RPS6KC1: variants seen among roughly 807,000 people sequenced by gnomAD.
RPS6KC1 encodes the protein ribosomal protein S6 kinase C1.
In RPS6KC1, 54 loss-of-function variants were observed where a neutral mutation model predicts 103.8. That is an observed-to-expected ratio of 0.52 (90% confidence interval 0.42 to 0.65). The LOEUF (loss-of-function observed/expected upper bound fraction) is 0.65, where lower values mean the gene tolerates loss of function less well. RPS6KC1 is among the 30% of genes least tolerant of loss of function. The pLI is 0.00. For synonymous variants in RPS6KC1, 439 were observed against 438.7 expected (o/e 1.00, Z -0.01); for missense variants, 1,151 against 1,253.8 (o/e 0.92, Z 1.24).
the RPS6KC1 span, among the ~76,000 whole-genome samples, chr1:213,761,187 T>A: frequency 1.3e-5 from 2 of 152,142 alleles, no homozygotes; most frequent in East Asian, 3.9e-4. Context: ...CCAGATGTAT[T>A]TTTGTTTGGG....
chr1:213,230,692 G>T lies in RPS6KC1; in HGVS notation c.1092+148G>T, dbSNP rs535703403. ...TCTACTAAAAATACAAAAATTAGCC[G>T]GGTATAATGGTGGGCTTCTATAATC... On this transcript the variant is annotated intron_variant, in intron 9 of 14. Coordinates refer to ENST00000366960, the MANE Select transcript of RPS6KC1 (RefSeq NM_012424.6). 9 of 450,606 alleles carry T rather than the reference G, an allele frequency of 2.0e-5. No individual in the cohort carries two copies. In the East Asian group the frequency reaches 3.4e-4, roughly 17 times the overall value. 27.9% of individuals were successfully genotyped at this position (450,606 alleles called of 1,614,324 possible).
chr1:213,342,797 A>G, the RPS6KC1 span, among the ~76,000 whole-genome samples: 1 of 152,204 alleles, frequency 6.6e-6, no homozygotes, highest in Non-Finnish European at 1.5e-5. Context: ...AGAAGAACTA[A>G]AAGATAGAGA....
intron 6 of RPS6KC1, among the ~76,000 whole-genome samples, chr1:213,153,757 A>G (rs548243526): frequency 2.0e-4 from 31 of 152,186 alleles, no homozygotes; most frequent in Non-Finnish European, 3.4e-4. Flanking sequence ...CTTGTAGGAC[A>G]GGTCTGATAT....
the RPS6KC1 span, among the ~76,000 whole-genome samples, chr1:213,848,061 G>A: frequency 6.6e-6 from 1 of 152,116 alleles, no homozygotes; most frequent in African/African-American, 2.4e-5. Flanking sequence ...AGTAGAAGAA[G>A]ATACAAAAGT....
the RPS6KC1 span, among the ~76,000 whole-genome samples, chr1:213,670,232 C>T: frequency 2.0e-5 from 3 of 152,190 alleles, no homozygotes; most frequent in Non-Finnish European, 4.4e-5. Flanking sequence ...CTGCCCTTAA[C>T]AGTGGATGCT....
chr1:213,242,478 G>A lies in RPS6KC1; in HGVS notation c.2822-91G>A, dbSNP rs866309365. ...TGATGCCATTATTCTTAATGATACT[G>A]TTTTTAGCTACAAAAGGAGTAATTA... On this transcript the variant is annotated intron_variant, in intron 11 of 14. Transcript: ENST00000366960. The A allele has an allele frequency of 2.6e-5, 31 of 1,175,610 alleles. No homozygotes were observed. In the African/African-American group the frequency reaches 4.0e-4, roughly 15 times the overall value. 72.8% of individuals were successfully genotyped at this position (1,175,610 alleles called of 1,614,324 possible).
intron 8 of RPS6KC1, among the ~76,000 whole-genome samples, chr1:213,177,769 T>C (rs2091970356): frequency 6.6e-6 from 1 of 152,210 alleles, no homozygotes; most frequent in African/African-American, 2.4e-5. Context: ...CAGGCAAGTA[T>C]ACCTTCTTGA....
chr1:213,104,441 T>C lies in RPS6KC1; in HGVS notation c.263-13T>C, dbSNP rs1057017545. 1 of 1,539,006 alleles carries C rather than the reference T, an allele frequency of 6.5e-7. No individual in the cohort carries two copies. ...CATTCTTCCCTTAAGTGTTGATTCT[T>C]ATTTAATTGTAGGGCGATTTGATGA... On this transcript the variant is annotated splice_polypyrimidine_tract_variant and intron_variant, in intron 3 of 14. Coordinates refer to ENST00000366960, the MANE Select transcript of RPS6KC1 (RefSeq NM_012424.6).
chr1:213,141,325 TTTCTTCCTGGTTC>T (rs1414509676), intron 6 of RPS6KC1, among the ~76,000 whole-genome samples: 1 of 152,112 alleles, frequency 6.6e-6, no homozygotes, highest in Non-Finnish European at 1.5e-5. Flanking sequence ...AGATACTCAG[TTTCTTCCTGGTTC>T]AGTCTTGGGA....
At chr1:213,775,209 T>C in the RPS6KC1 span, among the ~76,000 whole-genome samples, 1 of 152,336 alleles carries the variant, frequency 6.6e-6, no homozygotes, top group Admixed American at 6.5e-5. Flanking sequence ...TTATTGTGTA[T>C]ACCATGAAAC....
At chr1:213,366,578 A>G in the RPS6KC1 span, among the ~76,000 whole-genome samples, 1 of 152,252 alleles carries the variant, frequency 6.6e-6, no homozygotes, top group Non-Finnish European at 1.5e-5. Context: ...AACCACAGAC[A>G]ACACATGAAT....
At chr1:213,445,552 G>T in the RPS6KC1 span, among the ~76,000 whole-genome samples, 1 of 152,212 alleles carries the variant, frequency 6.6e-6, no homozygotes, top group African/African-American at 2.4e-5. Context: ...AGTCTAAGCA[G>T]GAGGGAAGGG....
the RPS6KC1 span, among the ~76,000 whole-genome samples, chr1:213,505,209 A>G: frequency 2.0e-5 from 3 of 152,164 alleles, no homozygotes; most frequent in African/African-American, 7.2e-5. Context: ...GATTCCAGCT[A>G]TAGTCAGGCT....
At chr1:213,576,401 T>A in the RPS6KC1 span, among the ~76,000 whole-genome samples, 2 of 149,180 alleles carry the variant, frequency 1.3e-5, no homozygotes, top group Non-Finnish European at 3.0e-5. Context: ...AAATTGAAGG[T>A]TTTTCGCAAC....
intron 8 of RPS6KC1, among the ~76,000 whole-genome samples, chr1:213,186,267 T>A (rs1367324212): frequency 6.6e-6 from 1 of 151,902 alleles, no homozygotes; most frequent in Non-Finnish European, 1.5e-5. Context: ...AATGTAGATC[T>A]GATGGTGGTG....
chr1:213,134,871 A>G (rs1163745648), intron 6 of RPS6KC1, among the ~76,000 whole-genome samples: 1 of 152,108 alleles, frequency 6.6e-6, no homozygotes, highest in Non-Finnish European at 1.5e-5. Context: ...AATTCTGAGA[A>G]TAGAGGTAGT....
the RPS6KC1 span, among the ~76,000 whole-genome samples, chr1:213,758,578 CAA>C: frequency 1.2e-3 from 123 of 101,652 alleles, no homozygotes; most frequent in Middle Eastern, 5.2e-3. Context: ...GACTCTGTCT[CAA>C]AAAAAAAAAA....
intron 3 of RPS6KC1, among the ~76,000 whole-genome samples, chr1:213,091,587 T>C (rs1291064177): frequency 1.3e-5 from 2 of 152,174 alleles, no homozygotes; most frequent in Non-Finnish European, 2.9e-5. Flanking sequence ...ATTTGAAAAA[T>C]ATTGGTTTCC....
chr1:213,608,098 T>C, the RPS6KC1 span, among the ~76,000 whole-genome samples: 1 of 152,158 alleles, frequency 6.6e-6, no homozygotes, highest in Non-Finnish European at 1.5e-5. Flanking sequence ...TTGTCAACTC[T>C]CTGTTAAAAA....
Sources: allele counts gnomAD v4.1 joint callset (sites outside exome capture counted in the v4.1 genomes callset), GRCh38; gene constraint gnomAD v4.1.1; transcripts MANE v1.5; gene names NCBI Gene and HGNC (gene_info 2026-07-23, HGNC 2026-07-21).